VANGL1: variants seen among roughly 807,000 people sequenced by gnomAD.
The protein encoded by VANGL1 is vang-like protein 1.
Under a neutral mutation model 48.4 loss-of-function variants are expected in VANGL1, and 18 were observed. That is an observed-to-expected ratio of 0.37 (90% confidence interval 0.26 to 0.55). VANGL1 has a LOEUF of 0.55. VANGL1 is among the 20% of genes least tolerant of loss of function. VANGL1 has a pLI of 0.81. For missense variants in VANGL1, 667 were observed against 675.8 expected, an observed-to-expected ratio of 0.99 and a Z score of 0.14; for synonymous variants, 257 against 261.8, an observed-to-expected ratio of 0.98 and a Z score of 0.18.
intron 4 of VANGL1, among the ~76,000 whole-genome samples, chr1:115,678,587 G>C (rs1045000499): frequency 1.3e-5 from 2 of 152,200 alleles, no homozygotes; most frequent in Non-Finnish European, 2.9e-5. Context: ...ACAGCTCACT[G>C]TTAAGATGCG....
In VANGL1 at chr1:115,663,917, T is replaced by G; in HGVS notation, c.461T>G (p.Ile154Ser). 2.5e-6 allele frequency: 4 copies of G among 1,614,224 alleles called. No individual in the cohort carries two copies. Among genetic ancestry groups the G allele is most frequent in the Non-Finnish European group, 3.4e-6 (4 of 1,180,042 alleles). ...PCGTICEGLF[I>S]SMAFKLLILL... is the part of the protein sequence containing the mutation. ...GGCACAATTTGTGAGGGGCTCTTTA[T>G]CTCCATGGCATTCAAACTCCTCATT... Residue 154 changes from isoleucine to serine, a missense_variant, in exon 4 of 8, where the codon ATC (isoleucine) becomes AGC (serine). Coordinates refer to ENST00000355485, the MANE Select transcript of VANGL1 (RefSeq NM_138959.3).
intron 7 of VANGL1, 143 bp downstream of exon 7, chr1:115,685,670 T>C (rs1653579416): frequency 1.1e-6 from 1 of 904,500 alleles, no homozygotes; most frequent in Non-Finnish European, 1.8e-6. Flanking sequence ...GATTCTCACT[T>C]ATTTTATGTT....
chr1:115,680,893 T>C (rs1178464818), intron 4 of VANGL1, among the ~76,000 whole-genome samples: 1 of 152,176 alleles, frequency 6.6e-6, no homozygotes, highest in Non-Finnish European at 1.5e-5. Flanking sequence ...CAAATAATCC[T>C]TGTAAGCCGA....
rs1570788498 is a variant in VANGL1 at position 115,697,883 on chromosome 1, A to G, written c.*6504A>G. The G allele has an allele frequency of 2.0e-5, 3 of 152,344 alleles. No individual in the cohort carries two copies. In the South Asian group the frequency reaches 6.2e-4, roughly 32 times the overall value. The allele number at this position is 152,344 out of a possible 1,614,324, so 9.4% of individuals were successfully genotyped here. A position where few individuals can be genotyped will look rare whatever the true frequency, so the allele number is the denominator to read the frequency against. On this transcript the variant is annotated 3_prime_UTR_variant, in exon 8 of 8. Transcript: ENST00000355485. ...ACCAGCCTCTGCTCATGGTCACCAT[A>G]TGTGTATGACAAGGCCTGAGTGAGT...
intron 1 of VANGL1, among the ~76,000 whole-genome samples, chr1:115,646,493 CTTT>C (rs34575210): frequency 7.8e-6 from 1 of 128,660 alleles, no homozygotes. Context: ...AGTAGTATAG[CTTT>C]TTTTTTTTTT....
chr1:115,653,550 G>T (rs1384118855), intron 2 of VANGL1, among the ~76,000 whole-genome samples: 1 of 152,192 alleles, frequency 6.6e-6, no homozygotes, highest in Non-Finnish European at 1.5e-5. Context: ...GGTTGGCTTT[G>T]CAGTATCCTT....
At chr1:115,673,565 C>T (rs1017636328) in intron 4 of VANGL1, among the ~76,000 whole-genome samples, 3 of 151,076 alleles carry the variant, frequency 2.0e-5, no homozygotes, top group Non-Finnish European at 4.4e-5. Flanking sequence ...CATTACATGA[C>T]CTCCTCTCTG....
intron 4 of VANGL1, among the ~76,000 whole-genome samples, chr1:115,681,632 G>A (rs1258499808): frequency 1.3e-5 from 2 of 149,994 alleles, no homozygotes; most frequent in African/African-American, 4.9e-5. Context: ...TCAGCCTCCC[G>A]AGTAGCTGGG....
intron 1 of VANGL1, among the ~76,000 whole-genome samples, chr1:115,645,103 A>G (rs1651866860): frequency 6.6e-6 from 1 of 152,174 alleles, no homozygotes. Flanking sequence ...GCTCCTTTCC[A>G]GCCCATGCCC....
At chr1:115,688,281 C>T (rs1653712614) in intron 7 of VANGL1, among the ~76,000 whole-genome samples, 1 of 138,086 alleles carries the variant, frequency 7.2e-6, no homozygotes, top group Non-Finnish European at 1.6e-5. Context: ...TACCAAATAC[C>T]ATGATTTATT....
Position 115,687,945 on chromosome 1 carries a change from GATAGATAGA to G in VANGL1, c.1314+2419_1314+2427del, listed in dbSNP as rs1557777165. Reference sequence around the variant, plus strand: ...ATATATATCATTCATTAGGTAGATAGATAGATAGATAGATAGATAGATAGATAGATAGAT... The same window carrying G: ...ATATATATCATTCATTAGGTAGATAGTAGATAGATAGATAGATAGATAGAT... On this transcript the variant is annotated intron_variant, in intron 7 of 7. Coordinates refer to ENST00000355485, the MANE Select transcript of VANGL1 (RefSeq NM_138959.3). 2.4e-4 allele frequency among the ~76,000 whole-genome samples: 26 copies of G among 108,366 alleles called. 4 individuals carry two copies. Among genetic ancestry groups the G allele is most frequent in the African/African-American group, 8.5e-4 (24 of 28,382 alleles). 71.1% of individuals were successfully genotyped at this position (108,366 alleles called of 152,430 possible).
rs781284916 is a variant in VANGL1, at chr1:115,687,987, T to TAGATAGACAGAC, written c.1314+2463_1314+2464insTAGACAGACAGA. On this transcript the variant is annotated intron_variant, in intron 7 of 7. Coordinates refer to ENST00000355485, the MANE Select transcript of VANGL1 (RefSeq NM_138959.3). Reference sequence around the variant, plus strand: ...ATAGATAGATAGATAGATAGATAGATAGACACATAGATAGATACATAGATA... The same window carrying TAGATAGACAGAC: ...ATAGATAGATAGATAGATAGATAGATAGATAGACAGACAGACACATAGATAGATACATAGATA... 1.4e-4 allele frequency among the ~76,000 whole-genome samples: 18 copies of TAGATAGACAGAC among 129,362 alleles called. 2 individuals are homozygous for TAGATAGACAGAC. The highest frequency in any genetic ancestry group is 5.0e-4 in the African/African-American group (17 of 33,770). The allele number at this position is 129,362 out of a possible 152,430, so 84.9% of individuals were successfully genotyped here. A position where few individuals can be genotyped will look rare whatever the true frequency, so the allele number is the denominator to read the frequency against.
intron 1 of VANGL1, among the ~76,000 whole-genome samples, chr1:115,643,513 A>G (rs919775809): frequency 2.6e-5 from 4 of 152,216 alleles, no homozygotes; most frequent in Non-Finnish European, 5.9e-5. Flanking sequence ...CGCTTCACCT[A>G]TCCATGAGCA....
Position 115,692,610 on chromosome 1 carries a change from G to A in VANGL1, c.*1231G>A, listed in dbSNP as rs1250052685. 6.5e-6 allele frequency: 1 copy of A among 152,720 alleles called. No homozygotes were observed. The highest frequency in any genetic ancestry group is 1.5e-5 in the Non-Finnish European group (1 of 68,092). 9.5% of individuals were successfully genotyped at this position (152,720 alleles called of 1,614,324 possible). A position where few individuals can be genotyped will look rare whatever the true frequency, so the allele number is the denominator to read the frequency against. ...GAGTTTGGGGAAGGGAGAGTAGGGA[G>A]CCCATCTTGTCCAGAAAGATTCATC... is the stretch of plus-strand genomic sequence containing the variant. On this transcript the variant is annotated 3_prime_UTR_variant, in exon 8 of 8. Coordinates refer to ENST00000355485, the MANE Select transcript of VANGL1 (RefSeq NM_138959.3).
chr1:115,662,932 A>G (rs1042392812), intron 3 of VANGL1, among the ~76,000 whole-genome samples: 3 of 152,006 alleles, frequency 2.0e-5, no homozygotes, highest in Non-Finnish European at 2.9e-5. Flanking sequence ...GATTACAGGC[A>G]TGTGCCACCA....
intron 4 of VANGL1, among the ~76,000 whole-genome samples, chr1:115,678,965 AAG>A (rs1491071226): frequency 4.6e-5 from 7 of 151,514 alleles, no homozygotes; most frequent in Non-Finnish European, 7.4e-5. Context: ...AAAAAAAAAA[AAG>A]AAGAAAGGCA....
chr1:115,668,662 A>G (rs1011358122), intron 4 of VANGL1, among the ~76,000 whole-genome samples: 1 of 152,200 alleles, frequency 6.6e-6, no homozygotes, highest in African/African-American at 2.4e-5. Flanking sequence ...GATCCTGCCC[A>G]TGGTCCTGTG....
intron 1 of VANGL1, among the ~76,000 whole-genome samples, chr1:115,650,716 G>T (rs996549060): frequency 6.6e-6 from 1 of 151,904 alleles, no homozygotes; most frequent in Non-Finnish European, 1.5e-5. Flanking sequence ...GGGGCATTCA[G>T]ATTGTTTCTA....
In VANGL1 at chr1:115,685,212, G is replaced by A. The variant is rs138038668; in HGVS notation, c.1080-81G>A. ...GGGTATGTTGGCAGGTTGGGCCGCA[G>A]CAGGGTAGACAAGCGTCATTCTGTT... is the stretch of plus-strand genomic sequence containing the variant. On this transcript the variant is annotated intron_variant, in intron 6 of 7. Coordinates refer to ENST00000355485, the MANE Select transcript of VANGL1 (RefSeq NM_138959.3). 2.0e-4 allele frequency: 296 copies of A among 1,504,548 alleles called. 2 individuals carry two copies. The East Asian group carries it at 6.9e-3, about 35-fold the overall frequency. The allele number at this position is 1,504,548 out of a possible 1,614,324, so 93.2% of individuals were successfully genotyped here.
Sources: gnomAD v4.1 joint callset for allele counts (sites outside exome capture counted in the v4.1 genomes callset) on GRCh38, gnomAD v4.1.1 for gene constraint, MANE v1.5 for transcripts, NCBI Gene and HGNC (gene_info 2026-07-23, HGNC 2026-07-21) for gene names.